NECTIN3: variants seen among roughly 807,000 people sequenced by gnomAD.
The protein encoded by NECTIN3 is nectin cell adhesion molecule 3.
Under a neutral mutation model 49.4 loss-of-function variants are expected in NECTIN3, and 8 were observed. That is an observed-to-expected ratio of 0.16 (90% confidence interval 0.10 to 0.29). NECTIN3 has a LOEUF of 0.29. Ranked by LOEUF, NECTIN3 falls within the 10% of genes least tolerant of loss-of-function variation. NECTIN3 has a pLI of 1.00. For synonymous variants in NECTIN3, 277 were observed against 241.1 expected (o/e 1.15, Z -1.38); for missense variants, 581 against 654.6 (o/e 0.89, Z 1.23).
rs376813006 is a variant in NECTIN3 at position 111,112,178 on chromosome 3, A to T, written c.309A>T (p.Ala103=). ...KIHGKSSQTV[A]VHHPQYGFSV... ...ATGGCAAAAGTTCACAGACTGTTGC[A>T]GTTCACCATCCCCAATATGGATTCT... The change falls in exon 2 of 6, where the codon GCA becomes GCT. Residue 103 remains alanine (A), a synonymous_variant. Transcript: ENST00000485303. The T allele has an allele frequency of 4.3e-6, 7 of 1,613,834 alleles. No homozygotes were observed. The African/African-American group carries it at 6.7e-5, about 15-fold the overall frequency.
rs145429794 is a variant in NECTIN3, at chr3:111,104,517, A to G, written c.161-7513A>G. 2.0e-4 allele frequency among the ~76,000 whole-genome samples: 31 copies of G among 151,836 alleles called. 1 individual carries two copies. In the East Asian group the frequency reaches 5.4e-3, roughly 27 times the overall value. Reference sequence around the variant, plus strand: ...TTATTTTTCGTAGAGATGGGTTCTCACTATGTTGGCCAGGGTGGTCTCAAA... The same window carrying G: ...TTATTTTTCGTAGAGATGGGTTCTCGCTATGTTGGCCAGGGTGGTCTCAAA... On this transcript the variant is annotated intron_variant, in intron 1 of 5. Transcript: ENST00000485303.
In NECTIN3 at chr3:111,091,341, C is replaced by T. The variant is rs192299644; in HGVS notation, c.160+19164C>T. On this transcript the variant is annotated intron_variant, in intron 1 of 5. Coordinates refer to ENST00000485303, the MANE Select transcript of NECTIN3 (RefSeq NM_015480.3). Reference sequence around the variant, plus strand: ...TGCGATCTCAGCTCACTGCAAGCTCCGCCTCCCAGGTTCACGCCATCTCCT... The same window carrying T: ...TGCGATCTCAGCTCACTGCAAGCTCTGCCTCCCAGGTTCACGCCATCTCCT... Among the ~76,000 whole-genome samples, 270 of 152,130 alleles carry T rather than the reference C, an allele frequency of 1.8e-3. 1 individual carries two copies. The highest frequency in any genetic ancestry group is 3.9e-3 in the Admixed American group (59 of 15,274).
chr3:111,119,019 G>C, intron 3 of NECTIN3, 67 bp downstream of exon 3: 1 of 1,319,510 alleles, frequency 7.6e-7, no homozygotes, highest in Non-Finnish European at 1.0e-6. Context: ...TTTTTAGTTT[G>C]AATATTTAAT....
chr3:111,074,385 G>T (rs1230640368), intron 1 of NECTIN3: 1 of 345,542 alleles, frequency 2.9e-6, no homozygotes, highest in Non-Finnish European at 5.9e-6. Context: ...GAGTTGAAAA[G>T]ATTTTTAAGC....
intron 7 of NECTIN3, among the ~76,000 whole-genome samples, chr3:111,155,896 T>C (rs1034277559): frequency 1.3e-5 from 2 of 152,118 alleles, no homozygotes; most frequent in African/African-American, 4.8e-5. Context: ...ATTAATAATA[T>C]CTGTTACTAC....
chr3:111,140,269 T>G (rs2034709156), downstream of NECTIN3, among the ~76,000 whole-genome samples: 1 of 151,932 alleles, frequency 6.6e-6, no homozygotes, highest in African/African-American at 2.4e-5. Flanking sequence ...CATTAGCTAC[T>G]GTTTCAGCAC....
At chr3:111,192,020 T>C (rs113436544), upstream of NECTIN3, among the ~76,000 whole-genome samples, 44,962 of 151,944 alleles carry the variant, frequency 0.3, 12,609 homozygotes, top group African/African-American at 0.71. Context: ...TTAGTAGAGA[T>C]GGAGTTTCAC....
intron 7 of NECTIN3, among the ~76,000 whole-genome samples, chr3:111,177,822 C>T (rs1388627602): frequency 6.6e-6 from 1 of 152,116 alleles, no homozygotes; most frequent in Non-Finnish European, 1.5e-5. Context: ...TGCATTTGTA[C>T]CCCAGAAATG....
intron 7 of NECTIN3, among the ~76,000 whole-genome samples, chr3:111,186,955 C>T (rs1174172939): frequency 6.6e-6 from 1 of 152,124 alleles, no homozygotes; most frequent in African/African-American, 2.4e-5. Context: ...AGTCACCAAA[C>T]ATATGTACAG....
In NECTIN3 at chr3:111,135,669, G is replaced by A. The variant is rs2107498173; in HGVS notation, c.*1454G>A. On this transcript the variant is annotated 3_prime_UTR_variant, in exon 6 of 6. Transcript: ENST00000485303. ...AATATATTATTTTGTTAATAAAAAG[G>A]CAAAGTAGTAGGTACTTTTTAAACC... The A allele has an allele frequency of 3.1e-6, 3 of 960,870 alleles. No individual in the cohort carries two copies. The highest frequency in any genetic ancestry group is 3.5e-5 in the African/African-American group (2 of 56,698). The allele number at this position is 960,870 out of a possible 1,614,324, so 59.5% of individuals were successfully genotyped here.
At chr3:111,148,767 A>G (rs1470674155) in intron 7 of NECTIN3, among the ~76,000 whole-genome samples, 1 of 151,918 alleles carries the variant, frequency 6.6e-6, no homozygotes, top group Non-Finnish European at 1.5e-5. Context: ...TTAGTTTTTT[A>G]GGAACTCTTT....
At chr3:111,130,250 C>G (rs1163461455) in intron 5 of NECTIN3, among the ~76,000 whole-genome samples, 1 of 146,444 alleles carries the variant, frequency 6.8e-6, no homozygotes, top group Non-Finnish European at 1.5e-5. Flanking sequence ...GCCACCGCAC[C>G]TAGCCGAGAA....
At position 111,071,986 on chromosome 3, in the gene NECTIN3, G is replaced by GGCGGGCGA; in HGVS notation, c.-25_-18dup. The GGCGGGCGA allele has an allele frequency of 1.5e-6, 2 of 1,379,038 alleles. No homozygotes were observed. The highest frequency in any genetic ancestry group is 1.9e-6 in the Non-Finnish European group (2 of 1,049,818). 85.4% of individuals were successfully genotyped at this position (1,379,038 alleles called of 1,614,324 possible). A position where few individuals can be genotyped will look rare whatever the true frequency, so the allele number is the denominator to read the frequency against. ...CCGGGGCCGGGGGAGCCGGGGGGCG[G>GGCGGGCGA]GCGGGCGAGCGGGCCGGGGGGAGGG... On this transcript the variant is annotated 5_prime_UTR_variant, in exon 1 of 6. Coordinates refer to ENST00000485303, the MANE Select transcript of NECTIN3 (RefSeq NM_015480.3).
chr3:111,105,950 C>CA (rs2107436401), intron 1 of NECTIN3, among the ~76,000 whole-genome samples: 1 of 149,602 alleles, frequency 6.7e-6, no homozygotes, highest in African/African-American at 2.4e-5. Context: ...TCCACCAAAA[C>CA]AGTTGCTAAA....
Position 111,122,113 on chromosome 3 carries a change from T to C in NECTIN3, c.800-8T>C. 1 of 1,568,270 alleles carries C rather than the reference T, an allele frequency of 6.4e-7. No homozygotes were observed. Among genetic ancestry groups the C allele is most frequent in the Non-Finnish European group, 8.8e-7 (1 of 1,138,786 alleles). On this transcript the variant is annotated splice_polypyrimidine_tract_variant and splice_region_variant and intron_variant, in intron 3 of 5. Coordinates refer to ENST00000485303, the MANE Select transcript of NECTIN3 (RefSeq NM_015480.3). ...GGTAATCTGTCCTGTCATGCATTTA[T>C]TTTATAGATGCTCCTGAAGTTTCGG...
intron 7 of NECTIN3, among the ~76,000 whole-genome samples, chr3:111,171,541 C>T (rs1208337083): frequency 6.6e-6 from 1 of 152,142 alleles, no homozygotes; most frequent in African/African-American, 2.4e-5. Flanking sequence ...TGGGATTGTA[C>T]CCAGAAGATG....
chr3:111,153,611 A>G (rs918459324), intron 7 of NECTIN3, among the ~76,000 whole-genome samples: 3 of 152,082 alleles, frequency 2.0e-5, no homozygotes, highest in African/African-American at 4.8e-5. Context: ...AAAAAGCTGT[A>G]TAATTCCTGA....
chr3:111,080,099 G>T (rs986613802), intron 1 of NECTIN3, among the ~76,000 whole-genome samples: 2 of 151,950 alleles, frequency 1.3e-5, no homozygotes, highest in Non-Finnish European at 2.9e-5. Context: ...TTTATAATTA[G>T]TAATACTAAT....
Position 111,135,349 on chromosome 3 carries a change from A to G in NECTIN3, c.*1134A>G, listed in dbSNP as rs6804629. 3.0e-3 allele frequency: 2,829 copies of G among 942,246 alleles called. 68 individuals are homozygous for G. The African/African-American group carries it at 0.048, about 16-fold the overall frequency. The allele number at this position is 942,246 out of a possible 1,614,324, so 58.4% of individuals were successfully genotyped here. A position where few individuals can be genotyped will look rare whatever the true frequency, so the allele number is the denominator to read the frequency against. ...CCTAAGTGTATGTATGTGTTTTAAGATTTCTGTTTTTACGATTAAAACTGG... is the reference window on the plus strand; with the variant it reads ...CCTAAGTGTATGTATGTGTTTTAAGGTTTCTGTTTTTACGATTAAAACTGG... On this transcript the variant is annotated 3_prime_UTR_variant, in exon 6 of 6. Coordinates refer to ENST00000485303, the MANE Select transcript of NECTIN3 (RefSeq NM_015480.3).
Sources: gnomAD v4.1 joint callset for allele counts (sites outside exome capture counted in the v4.1 genomes callset) on GRCh38, gnomAD v4.1.1 for gene constraint, MANE v1.5 for transcripts, NCBI Gene and HGNC (gene_info 2026-07-23, HGNC 2026-07-21) for gene names.